The following NUDCD1 variants were observed in gnomAD, a reference collection of about 807,000 sequenced individuals.
The protein encoded by NUDCD1 is NudC domain containing 1.
Under a neutral mutation model 67.8 loss-of-function variants are expected in NUDCD1, and 60 were observed. The observed-to-expected ratio is 0.88, with a 90% CI of 0.72 to 1.10. The LOEUF is 1.10. Ranked by LOEUF, NUDCD1 falls within the 50% of genes least tolerant of loss-of-function variation. The probability of loss-of-function intolerance (pLI) is 0.00; values close to 1 mark genes in which losing one functional copy is unlikely to be tolerated. For missense variants in NUDCD1, 643 were observed against 695.0 expected (o/e 0.93, Z 0.84); for synonymous variants, 244 against 230.8 (o/e 1.06, Z -0.52).
intron 4 of NUDCD1, among the ~76,000 whole-genome samples, chr8:109,292,181 A>G (rs1814725681): frequency 6.6e-6 from 1 of 152,258 alleles, no homozygotes; most frequent in Middle Eastern, 3.4e-3. Flanking sequence ...TCATTCATTT[A>G]TATATTGTCT....
Position 109,242,888 on chromosome 8 carries a change from T to TA in NUDCD1, c.*120dup, listed in dbSNP as rs1401857230. 6 of 555,060 alleles carry TA rather than the reference T, an allele frequency of 1.1e-5. No individual in the cohort carries two copies. The highest frequency in any genetic ancestry group is 1.9e-5 in the Non-Finnish European group (6 of 324,204). 34.4% of individuals were successfully genotyped at this position (555,060 alleles called of 1,614,324 possible). A position where few individuals can be genotyped will look rare whatever the true frequency, so the allele number is the denominator to read the frequency against. On this transcript the variant is annotated 3_prime_UTR_variant, in exon 10 of 10. Coordinates refer to ENST00000239690, the MANE Select transcript of NUDCD1 (RefSeq NM_032869.4). ...ATATATTTCCAATGTTATTAAAAAA[T>TA]AAAAAATCATACAAGATATATTTAG... is the stretch of plus-strand genomic sequence containing the variant.
At position 109,296,499 on chromosome 8, in the gene NUDCD1, A is replaced by G; in HGVS notation, c.344T>C (p.Leu115Pro). The G allele has an allele frequency of 6.2e-7, 1 of 1,613,374 alleles. No homozygotes were observed. Among genetic ancestry groups the G allele is most frequent in the Non-Finnish European group, 8.5e-7 (1 of 1,179,450 alleles). The change falls in exon 3 of 10, where the codon CTT becomes CCT. Residue 115 changes from leucine to proline, a missense_variant. Physicochemically the swap from Leu to Pro is moderately conservative, Grantham distance 98. Coordinates refer to ENST00000239690, the MANE Select transcript of NUDCD1 (RefSeq NM_032869.4). The part of the protein sequence containing the change: ...PTDLTACDNR[L>P]CASIHFSSST... ...AGATGAGAAATGGATAGATGCACAA[A>G]GACGGTTGTCACATGCTGTCAAATC...
chr8:109,255,614 A>C (rs529966313), intron 8 of NUDCD1, among the ~76,000 whole-genome samples: 1 of 152,034 alleles, frequency 6.6e-6, no homozygotes, highest in Middle Eastern at 3.4e-3. Flanking sequence ...TGGAGGATAC[A>C]TATAAATGTT....
chr8:109,241,980 CA>C lies in NUDCD1; in HGVS notation c.*1028del. The C allele has an allele frequency of 2.5e-6, 1 of 396,938 alleles. No individual in the cohort carries two copies. Among genetic ancestry groups the C allele is most frequent in the Non-Finnish European group, 4.4e-6 (1 of 225,008 alleles). 24.6% of individuals were successfully genotyped at this position (396,938 alleles called of 1,614,324 possible). A position where few individuals can be genotyped will look rare whatever the true frequency, so the allele number is the denominator to read the frequency against. On this transcript the variant is annotated 3_prime_UTR_variant, in exon 10 of 10. Transcript: ENST00000239690. The stretch of plus-strand genomic sequence containing the variant: ...AAGTTTGAAAAAACAAAATTTGTGG[CA>C]AGAAACTATAACATATAAACAGGAT...
At chr8:109,285,807 C>T (rs1440739894) in intron 5 of NUDCD1, among the ~76,000 whole-genome samples, 2 of 152,046 alleles carry the variant, frequency 1.3e-5, no homozygotes, top group Non-Finnish European at 2.9e-5. Context: ...GAAGTACTAA[C>T]CAGAGCAATC....
chr8:109,328,403 TCATTA>T (rs1449881049), intron 1 of NUDCD1, among the ~76,000 whole-genome samples: 13 of 152,158 alleles, frequency 8.5e-5, no homozygotes, highest in Admixed American at 8.5e-4. Flanking sequence ...TACTACTCTG[TCATTA>T]GACAGAGTAG....
Position 109,319,536 on chromosome 8 carries a change from T to C in NUDCD1, c.273+2773A>G, listed in dbSNP as rs77899158. ...AGGTAAGATGTCAAGGCAAGCTTGCTAGATGACAAAATGGTTACCTAGGAC... is the reference window on the plus strand; with the variant it reads ...AGGTAAGATGTCAAGGCAAGCTTGCCAGATGACAAAATGGTTACCTAGGAC... On this transcript the variant is annotated intron_variant, in intron 2 of 9. Transcript: ENST00000239690. Among the ~76,000 whole-genome samples, 161 of 152,302 alleles carry C rather than the reference T, an allele frequency of 1.1e-3. No homozygotes were observed. The East Asian group carries it at 0.027, about 26-fold the overall frequency.
intron 2 of NUDCD1, among the ~76,000 whole-genome samples, chr8:109,321,242 A>G (rs946890812): frequency 1.3e-5 from 2 of 152,218 alleles, no homozygotes; most frequent in East Asian, 3.8e-4. Context: ...TGTTTGAAGC[A>G]AATATATTAA....
intron 2 of NUDCD1, among the ~76,000 whole-genome samples, chr8:109,311,956 A>T (rs572426448): frequency 1.2e-4 from 19 of 152,240 alleles, no homozygotes; most frequent in East Asian, 7.7e-4. Context: ...AATTAAAAAT[A>T]AAAAATTAAA....
intron 2 of NUDCD1, among the ~76,000 whole-genome samples, chr8:109,314,886 G>T (rs1362140499): frequency 6.6e-6 from 1 of 151,858 alleles, no homozygotes; most frequent in Non-Finnish European, 1.5e-5. Context: ...GAGAATCTTT[G>T]AACTAACGAA....
Position 109,334,079 on chromosome 8 carries a change from A to G in NUDCD1, c.-69T>C. The G allele has an allele frequency of 6.9e-6, 11 of 1,602,466 alleles. No homozygotes were observed. The highest frequency in any genetic ancestry group is 5.6e-5 in the South Asian group (5 of 89,952). On this transcript the variant is annotated 5_prime_UTR_variant, in exon 1 of 10. Transcript: ENST00000239690. ...GAAAGGTCCGCGCTTCACGCCTCGC[A>G]CAGAGACTGGGAAGCGGCGTGGTTC...
Position 109,333,946 on chromosome 8 carries a change from C to T in NUDCD1, c.65G>A (p.Gly22Asp), listed in dbSNP as rs910568582. 4 of 1,614,184 alleles carry T rather than the reference C, an allele frequency of 2.5e-6. No individual in the cohort carries two copies. Among genetic ancestry groups the T allele is most frequent in the Non-Finnish European group, 3.4e-6 (4 of 1,180,012 alleles). ...KRPLLDPRFE[G>D]YKLSLEPLPC... ...CAGCGGCTCAAGAGAGAGCTTGTAA[C>T]CCTCGAAGCGGGGATCCAACAGAGG... The change falls in exon 1 of 10, where the codon GGT becomes GAT. Residue 22 changes from glycine to aspartate, a missense_variant. By Grantham distance (94) the Gly-to-Asp change is moderately conservative. Coordinates refer to ENST00000239690, the MANE Select transcript of NUDCD1 (RefSeq NM_032869.4).
intron 1 of NUDCD1, among the ~76,000 whole-genome samples, chr8:109,331,418 A>C (rs1815802838): frequency 6.7e-6 from 1 of 150,174 alleles, no homozygotes; most frequent in Non-Finnish European, 1.5e-5. Context: ...CGGGAGGCTG[A>C]GGCAGGAGAA....
intron 2 of NUDCD1, among the ~76,000 whole-genome samples, chr8:109,312,522 T>C (rs2926254): frequency 0.38 from 57,946 of 152,006 alleles, 11,551 homozygotes; most frequent in South Asian, 0.5. Flanking sequence ...TTTTATATAC[T>C]GTTTGACATG....
At chr8:109,326,803 T>C (rs1586315041) in intron 1 of NUDCD1, among the ~76,000 whole-genome samples, 1 of 152,174 alleles carries the variant, frequency 6.6e-6, no homozygotes, top group African/African-American at 2.4e-5. Context: ...AAATTATTTA[T>C]TGAATATCTA....
intron 8 of NUDCD1, among the ~76,000 whole-genome samples, chr8:109,269,380 C>T (rs898504234): frequency 6.6e-6 from 1 of 152,182 alleles, no homozygotes; most frequent in African/African-American, 2.4e-5. Flanking sequence ...TCTAGAAATG[C>T]TCATTTTACT....
At chr8:109,295,685 T>TA (rs1468620218) in intron 3 of NUDCD1, among the ~76,000 whole-genome samples, 1 of 152,108 alleles carries the variant, frequency 6.6e-6, no homozygotes, top group African/African-American at 2.4e-5. Context: ...TACCCAGAAC[T>TA]AAAGGCTACC....
At chr8:109,271,234 A>G in intron 7 of NUDCD1, 104 bp from the exon 8 acceptor site, 1 of 693,202 alleles carries the variant, frequency 1.4e-6, no homozygotes, top group Non-Finnish European at 2.4e-6. Flanking sequence ...ATTAAAAATG[A>G]ATTGCAAACC....
At chr8:109,294,189 C>G (rs1814781271) in intron 3 of NUDCD1, among the ~76,000 whole-genome samples, 1 of 133,276 alleles carries the variant, frequency 7.5e-6, no homozygotes, top group Non-Finnish European at 1.7e-5. Flanking sequence ...AAGATATGGA[C>G]AGTTGAGAAA....
Sources: allele counts gnomAD v4.1 joint callset (sites outside exome capture counted in the v4.1 genomes callset), GRCh38; gene constraint gnomAD v4.1.1; transcripts MANE v1.5; gene names NCBI Gene and HGNC (gene_info 2026-07-23, HGNC 2026-07-21).